The following PTGIS variants were observed in gnomAD, a reference collection of about 807,000 sequenced individuals.
The protein encoded by PTGIS is prostacyclin synthase.
A neutral mutation model predicts 50.3 loss-of-function variants in PTGIS; 45 were observed. The ratio of observed to expected loss-of-function variants is 0.90; its 90% CI spans 0.70 to 1.15. The LOEUF (loss-of-function observed/expected upper bound fraction) is 1.15, where lower values mean the gene tolerates loss of function less well. PTGIS is among the 50% of genes most tolerant of loss of function. The pLI is 0.00. For synonymous variants in PTGIS, 260 were observed against 267.7 expected, an observed-to-expected ratio of 0.97 and a Z score of 0.28; for missense variants, 668 against 661.3, an observed-to-expected ratio of 1.01 and a Z score of -0.11.
chr20:49,507,686 T>G lies in PTGIS; in HGVS notation c.*234A>C, dbSNP rs1002909126. On this transcript the variant is annotated 3_prime_UTR_variant, in exon 10 of 10. Transcript: ENST00000244043. ...AGGTGAATTGGGAGCAGACAAAGCC[T>G]GATTTTGGAAAGAAAACTTTGCAGT... is the stretch of plus-strand genomic sequence containing the variant. 6.6e-6 allele frequency: 4 copies of G among 604,582 alleles called. No homozygotes were observed. The highest frequency in any genetic ancestry group is 2.0e-5 in the South Asian group (1 of 51,184). 37.5% of individuals were successfully genotyped at this position (604,582 alleles called of 1,614,324 possible).
chr20:49,530,507 T>C (rs1358052258), intron 5 of PTGIS, among the ~76,000 whole-genome samples: 1 of 152,128 alleles, frequency 6.6e-6, no homozygotes, highest in African/African-American at 2.4e-5. Flanking sequence ...TCCATACTGT[T>C]CTCCATGATG....
intron 7 of PTGIS, among the ~76,000 whole-genome samples, chr20:49,513,471 G>T (rs745981060): frequency 1.3e-5 from 2 of 152,028 alleles, no homozygotes; most frequent in Non-Finnish European, 2.9e-5. Context: ...AGGGTATCCA[G>T]GTCTGACCCC....
At chr20:49,528,229 T>C (rs906664339) in intron 5 of PTGIS, among the ~76,000 whole-genome samples, 2 of 152,206 alleles carry the variant, frequency 1.3e-5, no homozygotes, top group Non-Finnish European at 2.9e-5. Context: ...TAAACAGTCA[T>C]AAGTTTTAAA....
At chr20:49,521,009 G>C (rs1981639485) in intron 6 of PTGIS, among the ~76,000 whole-genome samples, 1 of 152,166 alleles carries the variant, frequency 6.6e-6, no homozygotes, top group South Asian at 2.1e-4. Flanking sequence ...AGCTCCCTAA[G>C]GGCAGGGATT....
chr20:49,513,209 G>A lies in PTGIS; in HGVS notation c.1077C>T (p.Arg359=), dbSNP rs757932077. ...LRLTAAPFIT[R]EVVVDLAMPM... is the part of the protein sequence containing the mutation. ...GCATGGCCAGGTCCACCACAACCTCGCGGGTGATGAAGGGGGCAGCTGTAA... is the reference window on the plus strand; with the variant it reads ...GCATGGCCAGGTCCACCACAACCTCACGGGTGATGAAGGGGGCAGCTGTAA... The change falls in exon 8 of 10, where the codon CGC becomes CGT. Residue 359 remains arginine, a synonymous_variant. Transcript: ENST00000244043. 16 of 1,613,944 alleles carry A rather than the reference G, an allele frequency of 9.9e-6. No homozygotes were observed. Among genetic ancestry groups the A allele is most frequent in the African/African-American group, 1.3e-5 (1 of 74,900 alleles).
Position 49,524,247 on chromosome 20 carries a change from G to A in PTGIS, c.674-8C>T, listed in dbSNP as rs748565534. 8.1e-6 allele frequency: 13 copies of A among 1,613,732 alleles called. No individual in the cohort carries two copies. In the South Asian group the frequency reaches 9.9e-5, roughly 12 times the overall value. ...ACATGTGGTCCTTGTCCCCTGCAGG[G>A]ACAGAGCACAGAGAGTAGGGGTTAC... On this transcript the variant is annotated splice_polypyrimidine_tract_variant and splice_region_variant and intron_variant, in intron 5 of 9. Transcript: ENST00000244043.
chr20:49,561,168 C>T (rs1159078925), intron 1 of PTGIS, among the ~76,000 whole-genome samples: 2 of 152,164 alleles, frequency 1.3e-5, no homozygotes, highest in East Asian at 1.9e-4. Context: ...CTCTACCTCC[C>T]TCTGCCCCTG....
chr20:49,528,113 C>T (rs1474217041), intron 5 of PTGIS, among the ~76,000 whole-genome samples: 2 of 152,100 alleles, frequency 1.3e-5, no homozygotes, highest in African/African-American at 2.4e-5. Context: ...GCACTCCAGC[C>T]TGGGTGACAG....
At chr20:49,541,556 A>AC (rs1365391866) in intron 4 of PTGIS, among the ~76,000 whole-genome samples, 2 of 151,830 alleles carry the variant, frequency 1.3e-5, no homozygotes, top group Non-Finnish European at 2.9e-5. Context: ...ACATGGTGAA[A>AC]CCCCCTCTCT....
At chr20:49,511,330 A>C (rs1320906184) in intron 8 of PTGIS, 151 bp from the exon 9 acceptor site, 2 of 907,872 alleles carry the variant, frequency 2.2e-6, no homozygotes, top group East Asian at 5.3e-5. Context: ...TGGTTAAAAA[A>C]TTATGGCAAA....
intron 1 of PTGIS, among the ~76,000 whole-genome samples, chr20:49,559,474 T>C (rs1417527513): frequency 6.6e-6 from 1 of 152,202 alleles, no homozygotes; most frequent in Non-Finnish European, 1.5e-5. Context: ...GAACCCTCTC[T>C]TGGGGTCTGG....
intron 7 of PTGIS, 32 bp from the exon 8 acceptor site, chr20:49,513,293 G>A (rs774403625): frequency 6.9e-6 from 11 of 1,604,492 alleles, no homozygotes; most frequent in Non-Finnish European, 8.5e-6. Flanking sequence ...AAGAGTCAGC[G>A]GGCTATCCCT....
In PTGIS at chr20:49,509,881, CTTTTTTTTTTTT is replaced by C. The variant is rs11337451; in HGVS notation, c.1358+1135_1358+1146del. On this transcript the variant is annotated intron_variant, in intron 9 of 9. Transcript: ENST00000244043. ...CCTGCAGTTTTTTCTTTCTTTCTTT[CTTTTTTTTTTTT>C]TTTTTTTTTTCTGGAGACAGAGTCT... 3.2e-5 allele frequency among the ~76,000 whole-genome samples: 3 copies of C among 93,378 alleles called. No individual in the cohort carries two copies. In the South Asian group the frequency reaches 1.1e-3, roughly 33 times the overall value. The allele number at this position is 93,378 out of a possible 152,430, so 61.3% of individuals were successfully genotyped here. A position where few individuals can be genotyped will look rare whatever the true frequency, so the allele number is the denominator to read the frequency against.
chr20:49,525,443 G>A (rs2122856762), intron 5 of PTGIS, among the ~76,000 whole-genome samples: 1 of 152,334 alleles, frequency 6.6e-6, no homozygotes, highest in Admixed American at 6.5e-5. Flanking sequence ...GTGTGTTTAT[G>A]TTCTGGAAAC....
chr20:49,540,457 G>A lies in PTGIS; in HGVS notation c.522-736C>T, dbSNP rs1399987908. Among the ~76,000 whole-genome samples the A allele has an allele frequency of 6.6e-6, 1 of 151,740 alleles. No homozygotes were observed. Among genetic ancestry groups the A allele is most frequent in the Non-Finnish European group, 1.5e-5 (1 of 67,902 alleles). On this transcript the variant is annotated intron_variant, in intron 4 of 9. Transcript: ENST00000244043. The surrounding 1 kb of genome is among the most constrained non-coding windows in gnomAD (Gnocchi z 4.8). Reference sequence around the variant, plus strand: ...CCAGCTGTGGCTGGTGCAGGCACTGGAGCCGGGGTGTGAGGCAGAGGATGG... The same window carrying A: ...CCAGCTGTGGCTGGTGCAGGCACTGAAGCCGGGGTGTGAGGCAGAGGATGG...
At chr20:49,514,019 A>G (rs1437237228) in intron 7 of PTGIS, among the ~76,000 whole-genome samples, 2 of 152,142 alleles carry the variant, frequency 1.3e-5, no homozygotes, top group Non-Finnish European at 1.5e-5. Context: ...CACCTTAGTC[A>G]ATTGAAGTTA....
chr20:49,512,131 G>A (rs955248207), intron 8 of PTGIS, among the ~76,000 whole-genome samples: 13 of 151,864 alleles, frequency 8.6e-5, no homozygotes, highest in African/African-American at 3.1e-4. Context: ...ATGGGTAGGT[G>A]GGTGGATGAA....
At chr20:49,542,116 C>T (rs1982246529) in intron 4 of PTGIS, among the ~76,000 whole-genome samples, 5 of 152,182 alleles carry the variant, frequency 3.3e-5, no homozygotes, top group Admixed American at 3.3e-4. Flanking sequence ...GCGTGCCTGA[C>T]CTGCTCAAGG....
intron 5 of PTGIS, among the ~76,000 whole-genome samples, chr20:49,532,138 T>C (rs1339194415): frequency 6.6e-6 from 1 of 152,228 alleles, no homozygotes; most frequent in Non-Finnish European, 1.5e-5. Flanking sequence ...CATTGGTTAA[T>C]GCTAAAATGC....
Sources: gnomAD v4.1 joint callset for allele counts (sites outside exome capture counted in the v4.1 genomes callset) on GRCh38, gnomAD v4.1.1 for gene constraint, Gnocchi (gnomAD v3.1) non-coding constraint, MANE v1.5 for transcripts, NCBI Gene and HGNC (gene_info 2026-07-23, HGNC 2026-07-21) for gene names.